Variants in ERBB4 observed in about 807,000 individuals in gnomAD.
ERBB4 encodes receptor tyrosine-protein kinase erbB-4.
In ERBB4, 42 loss-of-function variants were observed where a neutral mutation model predicts 158.0. The ratio of observed to expected loss-of-function variants is 0.27; its 90% CI spans 0.21 to 0.34. The LOEUF is 0.34. Among genes scored for constraint, ERBB4 ranks in the 10% least tolerant of loss-of-function variants. ERBB4 has a pLI of 1.00. For synonymous variants in ERBB4, 583 were observed against 558.7 expected (o/e 1.04, Z -0.61); for missense variants, 1,333 against 1,624.1 (o/e 0.82, Z 3.08).
At chr2:211,713,413 G>C in intron 8 of ERBB4, 122 bp downstream of exon 8, 1 of 702,744 alleles carries the variant, frequency 1.4e-6, no homozygotes, top group South Asian at 1.5e-5. Context: ...ATTATGGAAA[G>C]CGTGTGGGTA....
intron 1 of ERBB4, among the ~76,000 whole-genome samples, chr2:212,454,655 T>A (rs1452585309): frequency 1.3e-5 from 2 of 152,258 alleles, no homozygotes. Flanking sequence ...AAATTTTCAC[T>A]TCTAGTAGAC....
intron 1 of ERBB4, among the ~76,000 whole-genome samples, chr2:212,158,795 GTTT>G (rs925025684): frequency 3.3e-5 from 5 of 151,922 alleles, no homozygotes; most frequent in Non-Finnish European, 5.9e-5. Flanking sequence ...TTGAGGGAGG[GTTT>G]GCTTAGGAAT....
intron 2 of ERBB4, among the ~76,000 whole-genome samples, chr2:212,116,473 G>C (rs1253204146): frequency 2.0e-5 from 3 of 152,050 alleles, no homozygotes; most frequent in African/African-American, 7.2e-5. Context: ...CTTGAGACAG[G>C]GTTTTCCTCT....
At chr2:212,466,334 AC>A (rs1688832278) in intron 1 of ERBB4, among the ~76,000 whole-genome samples, 1 of 152,154 alleles carries the variant, frequency 6.6e-6, no homozygotes, top group Non-Finnish European at 1.5e-5. Context: ...TGAAGGACCA[AC>A]TTTTGTATAT....
chr2:212,415,275 G>A (rs778814637), intron 1 of ERBB4, among the ~76,000 whole-genome samples: 4 of 152,140 alleles, frequency 2.6e-5, no homozygotes, highest in Non-Finnish European at 2.9e-5. Context: ...TACAAGTTTA[G>A]AGATTATTCC....
chr2:211,656,027 T>C (rs2071203254), intron 16 of ERBB4, among the ~76,000 whole-genome samples: 1 of 152,200 alleles, frequency 6.6e-6, no homozygotes, highest in Non-Finnish European at 1.5e-5. Context: ...GTGACACAGA[T>C]TTGAATCTCA....
intron 2 of ERBB4, among the ~76,000 whole-genome samples, chr2:211,989,839 TCTTA>T (rs926456213): frequency 6.6e-6 from 1 of 152,056 alleles, no homozygotes. Flanking sequence ...TCCACCCATG[TCTTA>T]CTTGAATGCC....
intron 3 of ERBB4, among the ~76,000 whole-genome samples, chr2:211,858,836 G>A (rs2077938722): frequency 6.6e-6 from 1 of 152,094 alleles, no homozygotes; most frequent in Admixed American, 6.5e-5. Flanking sequence ...GGGCTGGAGT[G>A]CAGTGGTGCG....
chr2:212,090,908 G>A (rs1351979086), intron 2 of ERBB4, among the ~76,000 whole-genome samples: 1 of 152,114 alleles, frequency 6.6e-6, no homozygotes, highest in East Asian at 1.9e-4. Flanking sequence ...GTGATGACAT[G>A]TGCAATTCTT....
chr2:211,772,944 TATA>T (rs1169046778), intron 4 of ERBB4, among the ~76,000 whole-genome samples: 4 of 88,998 alleles, frequency 4.5e-5, no homozygotes, highest in East Asian at 8.0e-4. Flanking sequence ...TATATATATA[TATA>T]TATATATATT....
At chr2:212,185,425 T>C (rs573730460) in intron 1 of ERBB4, among the ~76,000 whole-genome samples, 6 of 152,010 alleles carry the variant, frequency 3.9e-5, no homozygotes, top group Non-Finnish European at 5.9e-5. Context: ...GTTTTAACTA[T>C]GGGTTTCAAT....
intron 1 of ERBB4, among the ~76,000 whole-genome samples, chr2:212,523,772 C>T (rs1692300109): frequency 6.6e-6 from 1 of 151,952 alleles, no homozygotes; most frequent in Non-Finnish European, 1.5e-5. Flanking sequence ...TCACCCCCAA[C>T]ATTGTGGACC....
At position 212,020,608 on chromosome 2, in the gene ERBB4, A is replaced by G. The variant is rs1347122647; in HGVS notation, c.235-72992T>C. Reference sequence around the variant, plus strand: ...TTATAAAAGTGTTACCTACAAATGTATCCTCAAGCTATTTAAGGTTTTTAG... The same window carrying G: ...TTATAAAAGTGTTACCTACAAATGTGTCCTCAAGCTATTTAAGGTTTTTAG... On this transcript the variant is annotated intron_variant, in intron 2 of 27. Coordinates refer to ENST00000342788, the MANE Select transcript of ERBB4 (RefSeq NM_005235.3). Among the ~76,000 whole-genome samples, 3 of 152,144 alleles carry G rather than the reference A, an allele frequency of 2.0e-5. No individual in the cohort carries two copies. In the East Asian group the frequency reaches 5.8e-4, roughly 29 times the overall value.
chr2:212,293,582 T>G (rs934875013), intron 1 of ERBB4, among the ~76,000 whole-genome samples: 1 of 152,092 alleles, frequency 6.6e-6, no homozygotes, highest in Non-Finnish European at 1.5e-5. Context: ...GCATGGTGGC[T>G]CACGCCTTTA....
At chr2:212,148,706 A>T (rs933406171) in intron 1 of ERBB4, among the ~76,000 whole-genome samples, 1 of 151,506 alleles carries the variant, frequency 6.6e-6, no homozygotes, top group African/African-American at 2.4e-5. Flanking sequence ...CTATAAAGAC[A>T]CATGCACACG....
chr2:211,846,052 G>GTTT (rs5838288), intron 3 of ERBB4, among the ~76,000 whole-genome samples: 36,459 of 145,544 alleles, frequency 0.25, 5,391 homozygotes, highest in East Asian at 0.42. Context: ...GTTAATTGTT[G>GTTT]TTTTTTTTTT....
intron 19 of ERBB4, among the ~76,000 whole-genome samples, chr2:211,570,325 C>CTT (rs769458178): frequency 0.018 from 1,914 of 105,134 alleles, 127 homozygotes; most frequent in African/African-American, 0.055. Flanking sequence ...CTAATTTTTG[C>CTT]TTTTTTTTTT....
At chr2:211,496,717 A>G (rs755065573) in intron 20 of ERBB4, among the ~76,000 whole-genome samples, 47 of 152,190 alleles carry the variant, frequency 3.1e-4, no homozygotes, top group Non-Finnish European at 5.0e-4. Flanking sequence ...TTCTATTAAG[A>G]TGGTGGCCAT....
At chr2:212,013,058 CTTT>C (rs775918426) in intron 2 of ERBB4, among the ~76,000 whole-genome samples, 7 of 139,668 alleles carry the variant, frequency 5.0e-5, no homozygotes, top group African/African-American at 5.3e-5. Flanking sequence ...AAATACTTTC[CTTT>C]TTTTTTTTTT....
Sources: allele counts gnomAD v4.1 joint callset (sites outside exome capture counted in the v4.1 genomes callset), GRCh38; gene constraint gnomAD v4.1.1; transcripts MANE v1.5; gene names NCBI Gene and HGNC (gene_info 2026-07-23, HGNC 2026-07-21).